Variants in CNTN3 observed in about 807,000 individuals in gnomAD.
CNTN3 encodes the protein contactin-3.
CNTN3 carries 60 observed loss-of-function variants against 119.1 expected under a neutral mutation model. That is an observed-to-expected ratio of 0.50 (90% confidence interval 0.41 to 0.62). The LOEUF (loss-of-function observed/expected upper bound fraction) is 0.62. CNTN3 is among the 20% of genes least tolerant of loss of function. CNTN3 has a pLI of 0.00. For missense variants in CNTN3, 1,101 were observed against 1,242.4 expected (o/e 0.89, Z 1.71); for synonymous variants, 450 against 438.7 (o/e 1.03, Z -0.32).
chr3:74,614,072 T>C (rs985561217), intron 1 of CNTN3, among the ~76,000 whole-genome samples: 12 of 152,016 alleles, frequency 7.9e-5, no homozygotes, highest in Non-Finnish European at 1.6e-4. Flanking sequence ...AGTCACAACT[T>C]TTTTCCCCCA....
At chr3:74,562,873 C>T (rs1704173612) in intron 1 of CNTN3, among the ~76,000 whole-genome samples, 1 of 151,844 alleles carries the variant, frequency 6.6e-6, no homozygotes, top group Admixed American at 6.6e-5. Flanking sequence ...AATTTCAGTG[C>T]AATTAAAACC....
chr3:74,612,848 A>G (rs1246578985), intron 1 of CNTN3, among the ~76,000 whole-genome samples: 1 of 152,156 alleles, frequency 6.6e-6, no homozygotes, highest in Non-Finnish European at 1.5e-5. Context: ...ACCCGATCAG[A>G]TTTCTTTAAT....
chr3:74,337,131 C>T (rs1003873068), intron 11 of CNTN3, among the ~76,000 whole-genome samples: 2 of 152,068 alleles, frequency 1.3e-5, no homozygotes, highest in South Asian at 2.1e-4. Flanking sequence ...AGAGTCACAT[C>T]GCCCCAATAA....
chr3:74,528,793 G>GT (rs1434892241), intron 1 of CNTN3, among the ~76,000 whole-genome samples: 2 of 151,848 alleles, frequency 1.3e-5, no homozygotes, highest in African/African-American at 4.8e-5. Context: ...TTTAATTTCA[G>GT]TTACTTCCTC....
chr3:74,508,248 C>G (rs899194026), intron 2 of CNTN3, among the ~76,000 whole-genome samples: 3 of 152,064 alleles, frequency 2.0e-5, no homozygotes, highest in African/African-American at 7.2e-5. Flanking sequence ...TTCCTGACAC[C>G]GTGTGAAGAA....
rs753368398 is a variant in CNTN3 at position 74,358,015 on chromosome 3, G to A, written c.1364+3875C>T. Among the ~76,000 whole-genome samples, 8 of 152,162 alleles carry A rather than the reference G, an allele frequency of 5.3e-5. No individual in the cohort carries two copies. In the East Asian group the frequency reaches 5.8e-4, roughly 11 times the overall value. On this transcript the variant is annotated intron_variant, in intron 11 of 22. Coordinates refer to ENST00000263665, the MANE Select transcript of CNTN3 (RefSeq NM_020872.3). ...TAAGAGGGATGGATATGGGGCTTTC[G>A]TTGCCAAGTGATGACTGCGGCCACT... is the stretch of plus-strand genomic sequence containing the variant.
chr3:74,355,100 TACTTCAA>T (rs1254601581), intron 11 of CNTN3, among the ~76,000 whole-genome samples: 1 of 152,082 alleles, frequency 6.6e-6, no homozygotes. Context: ...TTTCAGTAGG[TACTTCAA>T]ACTCAACCAA....
intron 1 of CNTN3, among the ~76,000 whole-genome samples, chr3:74,522,748 A>C: frequency 6.6e-6 from 1 of 151,498 alleles, no homozygotes; most frequent in South Asian, 2.1e-4. Context: ...GTAACCTCCT[A>C]CTAGGGCAGT....
chr3:74,512,653 A>G (rs1345051015), intron 2 of CNTN3, among the ~76,000 whole-genome samples: 1 of 142,910 alleles, frequency 7.0e-6, no homozygotes, highest in African/African-American at 2.6e-5. Flanking sequence ...TAATGGCCAT[A>G]GCACTGAGTA....
chr3:74,337,338 A>G (rs1300771693), intron 11 of CNTN3, among the ~76,000 whole-genome samples: 1 of 152,090 alleles, frequency 6.6e-6, no homozygotes, highest in Non-Finnish European at 1.5e-5. Context: ...AGAACCTGGA[A>G]TTATGGGGTG....
At chr3:74,429,225 T>G (rs550874473) in intron 4 of CNTN3, among the ~76,000 whole-genome samples, 3 of 152,188 alleles carry the variant, frequency 2.0e-5, no homozygotes, top group African/African-American at 7.2e-5. Flanking sequence ...GGCACAGGAC[T>G]TAGAATGTGT....
chr3:74,405,410 T>C (rs1362984086), intron 5 of CNTN3, among the ~76,000 whole-genome samples: 1 of 151,954 alleles, frequency 6.6e-6, no homozygotes, highest in Non-Finnish European at 1.5e-5. Context: ...ACAGAATAAC[T>C]ATAATATTTC....
intron 4 of CNTN3, among the ~76,000 whole-genome samples, chr3:74,441,988 T>C (rs1701974224): frequency 6.6e-6 from 1 of 152,098 alleles, no homozygotes; most frequent in Non-Finnish European, 1.5e-5. Flanking sequence ...TGCATAACTA[T>C]TACATACTGA....
At chr3:74,378,833 AT>A in intron 5 of CNTN3, among the ~76,000 whole-genome samples, 1 of 152,164 alleles carries the variant, frequency 6.6e-6, no homozygotes, top group South Asian at 2.1e-4. Context: ...GTCTTATTTT[AT>A]TTTTTCCCTT....
At chr3:74,348,416 C>T (rs758088040) in intron 11 of CNTN3, among the ~76,000 whole-genome samples, 1 of 152,158 alleles carries the variant, frequency 6.6e-6, no homozygotes, top group African/African-American at 2.4e-5. Context: ...ACTCACTGGT[C>T]ACCAGTGGAA....
At position 74,399,097 on chromosome 3, in the gene CNTN3, T is replaced by C. The variant is rs556219125; in HGVS notation, c.454+25748A>G. Among the ~76,000 whole-genome samples the C allele has an allele frequency of 9.9e-5, 15 of 152,282 alleles. No individual in the cohort carries two copies. The East Asian group carries it at 2.9e-3, about 29-fold the overall frequency. On this transcript the variant is annotated intron_variant, in intron 5 of 22. Transcript: ENST00000263665. Reference sequence around the variant, plus strand: ...CCTACAATGCTATAGAGAACTGGAATTTATTCTCCTATCTAACTGTAAGTT... The same window carrying C: ...CCTACAATGCTATAGAGAACTGGAACTTATTCTCCTATCTAACTGTAAGTT...
chr3:74,475,459 G>A (rs1702637247), intron 4 of CNTN3, among the ~76,000 whole-genome samples: 1 of 152,158 alleles, frequency 6.6e-6, no homozygotes, highest in South Asian at 2.1e-4. Flanking sequence ...GTGGAAAGAA[G>A]AGATGAGATC....
chr3:74,507,236 T>A (rs868371622), intron 2 of CNTN3, among the ~76,000 whole-genome samples: 45 of 152,044 alleles, frequency 3.0e-4, no homozygotes, highest in African/African-American at 1.1e-3. Flanking sequence ...CTGGGAAACA[T>A]AGCAAGACTC....
At chr3:74,426,603 T>G (rs929585121) in intron 4 of CNTN3, among the ~76,000 whole-genome samples, 5 of 152,160 alleles carry the variant, frequency 3.3e-5, no homozygotes, top group African/African-American at 1.2e-4. Context: ...GTAAAGTGAT[T>G]CAGCAAAACT....
Sources: allele counts gnomAD v4.1 joint callset (sites outside exome capture counted in the v4.1 genomes callset), GRCh38; gene constraint gnomAD v4.1.1; transcripts MANE v1.5; gene names NCBI Gene and HGNC (gene_info 2026-07-23, HGNC 2026-07-21).